CA5A: variants seen among roughly 807,000 people sequenced by gnomAD.
CA5A encodes carbonic anhydrase 5A, mitochondrial.
CA5A carries 28 observed loss-of-function variants against 37.1 expected under a neutral mutation model. The ratio of observed to expected loss-of-function variants is 0.75; its 90% CI spans 0.56 to 1.03. The LOEUF (loss-of-function observed/expected upper bound fraction) is 1.03, where lower values mean the gene tolerates loss of function less well. CA5A is among the 50% of genes least tolerant of loss of function. The pLI, the probability that CA5A is intolerant of heterozygous loss-of-function variation, is 0.00. For missense variants in CA5A, 444 were observed against 399.9 expected, an observed-to-expected ratio of 1.11 and a Z score of -0.94; for synonymous variants, 171 against 158.4, an observed-to-expected ratio of 1.08 and a Z score of -0.60.
intron 1 of CA5A, among the ~76,000 whole-genome samples, chr16:87,935,214 A>T (rs2056455523): frequency 6.6e-6 from 1 of 152,188 alleles, no homozygotes; most frequent in Admixed American, 6.5e-5. Flanking sequence ...TTAGAAGAGA[A>T]CTTGGCAGCT....
At chr16:87,899,214 G>A (rs1215336231) in intron 5 of CA5A, among the ~76,000 whole-genome samples, 1 of 149,668 alleles carries the variant, frequency 6.7e-6, no homozygotes, top group Non-Finnish European at 1.5e-5. Context: ...AGGCGAGAGA[G>A]TTGTTCAAGT....
At chr16:87,900,452 C>T (rs1806749519) in intron 5 of CA5A, among the ~76,000 whole-genome samples, 1 of 152,224 alleles carries the variant, frequency 6.6e-6, no homozygotes, top group South Asian at 2.1e-4. Flanking sequence ...AGGGCTGGTC[C>T]CAGCTCCATC....
intron 3 of CA5A, among the ~76,000 whole-genome samples, chr16:87,903,388 G>C (rs183698121): frequency 1.0e-3 from 155 of 152,274 alleles, no homozygotes; most frequent in African/African-American, 3.4e-3. Context: ...CCAAGATCGT[G>C]AGATAGCGCC....
chr16:87,906,403 G>A (rs1488619386), intron 2 of CA5A, among the ~76,000 whole-genome samples: 30 of 152,176 alleles, frequency 2.0e-4, no homozygotes, highest in African/African-American at 6.3e-4. Flanking sequence ...CGAGGCGGGC[G>A]GATCACTTGA....
Position 87,915,972 on chromosome 16 carries a change from G to A in CA5A, c.340+10776C>T, listed in dbSNP as rs187333598. ...ACTCACAGTTCCACGTGGCTGGGGA[G>A]GCCTCGCAATCACGGCAGAAGGCGA... On this transcript the variant is annotated intron_variant, in intron 2 of 6. Coordinates refer to ENST00000649794, the MANE Select transcript of CA5A (RefSeq NM_001739.2). 1.2e-3 allele frequency among the ~76,000 whole-genome samples: 182 copies of A among 152,076 alleles called. 1 individual carries two copies. The highest frequency in any genetic ancestry group is 0.01 in the Middle Eastern group (3 of 294).
chr16:87,907,532 G>T (rs1273404739), intron 2 of CA5A, among the ~76,000 whole-genome samples: 4 of 152,218 alleles, frequency 2.6e-5, no homozygotes, highest in Non-Finnish European at 5.9e-5. Flanking sequence ...AGAAGGCAGG[G>T]ATGATGGATG....
chr16:87,932,575 G>A (rs1288492821), intron 1 of CA5A, among the ~76,000 whole-genome samples: 2 of 152,182 alleles, frequency 1.3e-5, no homozygotes, highest in African/African-American at 4.8e-5. Flanking sequence ...AATTCCAGTA[G>A]GGCTCCAATG....
intron 2 of CA5A, among the ~76,000 whole-genome samples, chr16:87,918,626 C>T (rs765491050): frequency 5.3e-5 from 8 of 152,224 alleles, no homozygotes; most frequent in African/African-American, 1.9e-4. Context: ...GCCCAGGCCT[C>T]GGGAGCCTGT....
In CA5A at chr16:87,926,829, A is replaced by T. The variant is rs1489328365; in HGVS notation, c.259T>A (p.Tyr87Asn). The T allele has an allele frequency of 6.2e-7, 1 of 1,614,160 alleles. No individual in the cohort carries two copies. Among genetic ancestry groups the T allele is most frequent in the South Asian group, 1.1e-5 (1 of 91,084 alleles). Residue 87 changes from tyrosine (Y) to asparagine (N), a missense_variant, in exon 2 of 7, where the codon TAT becomes AAT. Coordinates refer to ENST00000649794, the MANE Select transcript of CA5A (RefSeq NM_001739.2). The part of the protein sequence containing the change: ...DPQLKPLRVS[Y>N]EAASCLYIWN... ...ATGTACAGGCAGGATGCCGCTTCATAGGAGACCCTGAGTGGCTTCAGCTGG... is the reference window on the plus strand; with the variant it reads ...ATGTACAGGCAGGATGCCGCTTCATTGGAGACCCTGAGTGGCTTCAGCTGG...
intron 3 of CA5A, 147 bp from the exon 4 acceptor site, chr16:87,902,667 G>C: frequency 3.4e-6 from 2 of 595,658 alleles, no homozygotes; most frequent in Non-Finnish European, 6.3e-6. Context: ...AGCACTTTGG[G>C]AGGCGGAGGC....
In CA5A at chr16:87,929,598, T is replaced by C. The variant is rs138650944; in HGVS notation, c.143-2653A>G. Among the ~76,000 whole-genome samples the C allele has an allele frequency of 4.3e-3, 652 of 151,592 alleles. 16 individuals are homozygous for C. Among genetic ancestry groups the C allele is most frequent in the Admixed American group, 0.039 (597 of 15,252 alleles). ...TTAATAAGTAAACCATCAGGCCAGG[T>C]GCAGTTGCTCACGCCTATAATCCCA... On this transcript the variant is annotated intron_variant, in intron 1 of 6. Transcript: ENST00000649794.
intron 2 of CA5A, among the ~76,000 whole-genome samples, chr16:87,909,356 C>A (rs1360426787): frequency 3.3e-5 from 5 of 152,196 alleles, no homozygotes; most frequent in Non-Finnish European, 7.4e-5. Context: ...GGGGACCAAG[C>A]ACGCTCAGGG....
At chr16:87,897,765 T>G (rs2055825325) in intron 5 of CA5A, among the ~76,000 whole-genome samples, 1 of 152,194 alleles carries the variant, frequency 6.6e-6, no homozygotes. Flanking sequence ...GGCAAGGCCT[T>G]CTCTGCCTCT....
At chr16:87,894,587 C>A (rs79802260) in intron 5 of CA5A, among the ~76,000 whole-genome samples, 2 of 148,964 alleles carry the variant, frequency 1.3e-5, no homozygotes, top group African/African-American at 5.0e-5. Flanking sequence ...AAAAAAAAAA[C>A]AGCATTATAG....
intron 4 of CA5A, 88 bp from the exon 5 acceptor site, chr16:87,902,062 A>C (rs960203012): frequency 1.8e-5 from 22 of 1,214,626 alleles, no homozygotes; most frequent in African/African-American, 3.0e-5. Context: ...ACGTTTTAAA[A>C]GCAATCCTAG....
chr16:87,888,735 G>A (rs1445184200), intron 6 of CA5A, among the ~76,000 whole-genome samples: 1 of 152,162 alleles, frequency 6.6e-6, no homozygotes, highest in Non-Finnish European at 1.5e-5. Context: ...AACTATGGGA[G>A]ATAATAAATG....
At chr16:87,897,485 TG>T (rs1230366780) in intron 5 of CA5A, among the ~76,000 whole-genome samples, 2 of 117,736 alleles carry the variant, frequency 1.7e-5, no homozygotes, top group African/African-American at 6.5e-5. Flanking sequence ...AGGTCGGCAC[TG>T]GTAGGGGCCT....
At chr16:87,935,047 G>T (rs1156327146) in intron 1 of CA5A, among the ~76,000 whole-genome samples, 1 of 152,184 alleles carries the variant, frequency 6.6e-6, no homozygotes, top group Non-Finnish European at 1.5e-5. Context: ...AGAAAGTCTG[G>T]CCACCCCCAT....
intron 1 of CA5A, among the ~76,000 whole-genome samples, chr16:87,932,184 A>C (rs1432033227): frequency 6.6e-6 from 1 of 151,670 alleles, no homozygotes; most frequent in African/African-American, 2.4e-5. Flanking sequence ...GATTGAGTGC[A>C]CTCTACCCCC....
Sources: gnomAD v4.1 joint callset for allele counts (sites outside exome capture counted in the v4.1 genomes callset) on GRCh38, gnomAD v4.1.1 for gene constraint, MANE v1.5 for transcripts, NCBI Gene and HGNC (gene_info 2026-07-23, HGNC 2026-07-21) for gene names.